The following RMND1 variants were observed in gnomAD, a reference collection of about 807,000 sequenced individuals.
RMND1 encodes the protein required for meiotic nuclear division 1 homolog, also known as required for meiotic nuclear division protein 1 homolog.
In RMND1, 41 loss-of-function variants were observed where a neutral mutation model predicts 54.0. The observed-to-expected ratio is 0.76, with a 90% confidence interval of 0.59 to 0.98. The LOEUF is 0.98. RMND1 is among the 50% of genes least tolerant of loss of function. The pLI is 0.00. For missense variants in RMND1, 457 were observed against 532.0 expected, an observed-to-expected ratio of 0.86 and a Z score of 1.39; for synonymous variants, 183 against 181.7, an observed-to-expected ratio of 1.01 and a Z score of -0.06.
At position 151,445,733 on chromosome 6, in the gene RMND1, G is replaced by A; in HGVS notation, c.79C>T (p.His27Tyr). Residue 27 changes from histidine to tyrosine, a missense_variant, in exon 2 of 12, where the codon CAT (histidine) becomes TAT (tyrosine). Coordinates refer to ENST00000444024, the MANE Select transcript of RMND1 (RefSeq NM_017909.4). The stretch of plus-strand genomic sequence containing the variant: ...TCCTTAAGTGGTTTTAACATTAGAT[G>A]ACCGATTCTTCGGCACTGATGTGCT... ...SKAHQCRRIG[H>Y]LMLKPLKEFE... The A allele has an allele frequency of 6.2e-7, 1 of 1,613,894 alleles. No homozygotes were observed.
At chr6:151,436,696 A>G (rs1325547198) in intron 2 of RMND1, 142 bp from the exon 3 acceptor site, 6 of 689,276 alleles carry the variant, frequency 8.7e-6, no homozygotes, top group Non-Finnish European at 1.4e-5. Flanking sequence ...GATACAAGGG[A>G]TGGGATGAAG....
At chr6:151,408,200 A>G (rs915801182) in intron 10 of RMND1, among the ~76,000 whole-genome samples, 6 of 152,110 alleles carry the variant, frequency 3.9e-5, no homozygotes, top group African/African-American at 1.4e-4. Flanking sequence ...AAGTGAGGTT[A>G]AGAAGGTAAG....
intron 2 of RMND1, among the ~76,000 whole-genome samples, chr6:151,444,067 G>A (rs1410108361): frequency 2.0e-5 from 3 of 152,128 alleles, no homozygotes; most frequent in African/African-American, 7.2e-5. Flanking sequence ...AAATAGATAC[G>A]GTATTTAGGA....
At chr6:151,450,639 C>T (rs370629563) in intron 1 of RMND1, among the ~76,000 whole-genome samples, 15,295 of 149,932 alleles carry the variant, frequency 0.1, 708 homozygotes, top group Middle Eastern at 0.17. Flanking sequence ...CGCCTCTGCC[C>T]GGCCGCCCCT....
intron 2 of RMND1, among the ~76,000 whole-genome samples, chr6:151,437,976 G>A (rs1029734771): frequency 7.2e-5 from 11 of 152,168 alleles, no homozygotes; most frequent in African/African-American, 2.7e-4. Flanking sequence ...GGGGAATGTG[G>A]GGATAAATGG....
At chr6:151,449,220 T>G (rs531617482) in intron 1 of RMND1, among the ~76,000 whole-genome samples, 1 of 151,868 alleles carries the variant, frequency 6.6e-6, no homozygotes, top group South Asian at 2.1e-4. Context: ...TACAAAAAAA[T>G]TAGCTGAGCG....
At position 151,450,803 on chromosome 6, in the gene RMND1, G is replaced by C. The variant is rs999608019; in HGVS notation, c.-15+1213C>G. Among the ~76,000 whole-genome samples, 55 of 152,268 alleles carry C rather than the reference G, an allele frequency of 3.6e-4. 1 individual carries two copies. Among genetic ancestry groups the C allele is most frequent in the African/African-American group, 8.9e-4 (37 of 41,566 alleles). On this transcript the variant is annotated intron_variant, in intron 1 of 11. Coordinates refer to ENST00000444024, the MANE Select transcript of RMND1 (RefSeq NM_017909.4). ...AAGATTGAGAAATCGGATGGTTGCCGTGTCTGTGTAGAAAGAAGTAGACAT... is the reference window on the plus strand; with the variant it reads ...AAGATTGAGAAATCGGATGGTTGCCCTGTCTGTGTAGAAAGAAGTAGACAT...
chr6:151,450,686 C>T (rs1194882919), intron 1 of RMND1, among the ~76,000 whole-genome samples: 3 of 151,876 alleles, frequency 2.0e-5, no homozygotes, highest in East Asian at 1.9e-4. Flanking sequence ...CGGCCACCAC[C>T]CCGTCTGGGA....
Position 151,414,721 on chromosome 6 carries a change from CAA to C in RMND1, c.1200+2556_1200+2557del, listed in dbSNP as rs545174385. Among the ~76,000 whole-genome samples the C allele has an allele frequency of 1.2e-3, 175 of 152,130 alleles. 1 individual carries two copies. Among genetic ancestry groups the C allele is most frequent in the African/African-American group, 4.0e-3 (168 of 41,510 alleles). On this transcript the variant is annotated intron_variant, in intron 10 of 11. Transcript: ENST00000444024. ...GGAATCAATCAACTAGAAGATGAAA[CAA>C]AGGACATTACCCAATCTTAACAGAG...
chr6:151,447,810 C>CTTTTTT (rs869136474), intron 1 of RMND1, among the ~76,000 whole-genome samples: 6 of 110,338 alleles, frequency 5.4e-5, no homozygotes, highest in Non-Finnish European at 8.8e-5. Flanking sequence ...TGAGTAAATT[C>CTTTTTT]TTTTTTTTTT....
intron 9 of RMND1, among the ~76,000 whole-genome samples, chr6:151,417,821 T>A (rs527866834): frequency 1.3e-5 from 2 of 152,106 alleles, no homozygotes; most frequent in Non-Finnish European, 2.9e-5. Context: ...ATTTTTTTTT[T>A]TTTTTTGAGA....
chr6:151,445,244 C>T (rs887169018), intron 2 of RMND1, 64 bp downstream of exon 2: 7 of 1,519,842 alleles, frequency 4.6e-6, no homozygotes, highest in East Asian at 2.3e-5. Context: ...TGGGGTGCAA[C>T]GCACACTGGT....
At chr6:151,439,607 C>T (rs1780711899) in intron 2 of RMND1, among the ~76,000 whole-genome samples, 1 of 152,174 alleles carries the variant, frequency 6.6e-6, no homozygotes, top group Non-Finnish European at 1.5e-5. Context: ...CATTAGAGTA[C>T]AAGGTCTGTT....
chr6:151,406,906 T>C (rs1779644367), intron 10 of RMND1, among the ~76,000 whole-genome samples: 1 of 152,052 alleles, frequency 6.6e-6, no homozygotes, highest in South Asian at 2.1e-4. Context: ...ATGCCTGTAA[T>C]CCTAGCATTT....
chr6:151,410,232 T>C (rs529775020), intron 10 of RMND1, among the ~76,000 whole-genome samples: 1 of 151,958 alleles, frequency 6.6e-6, no homozygotes, highest in Non-Finnish European at 1.5e-5. Flanking sequence ...TTTTTTTGTA[T>C]TTTTAGTAGA....
At chr6:151,448,169 C>G (rs958438079) in intron 1 of RMND1, among the ~76,000 whole-genome samples, 4 of 152,172 alleles carry the variant, frequency 2.6e-5, no homozygotes, top group African/African-American at 9.7e-5. Flanking sequence ...GTGCCTTACA[C>G]TGTTTTTCTA....
intron 10 of RMND1, among the ~76,000 whole-genome samples, chr6:151,414,521 T>C (rs569888142): frequency 1.2e-3 from 185 of 152,012 alleles, no homozygotes; most frequent in Non-Finnish European, 2.2e-3. Context: ...AGAGCAACCA[T>C]CATAAAAATG....
intron 10 of RMND1, among the ~76,000 whole-genome samples, chr6:151,414,847 C>T (rs893954328): frequency 2.0e-5 from 3 of 151,838 alleles, no homozygotes; most frequent in Non-Finnish European, 2.9e-5. Context: ...GGCAGATTTC[C>T]GTCAGAAACC....
At chr6:151,417,816 T>A (rs9322319) in intron 9 of RMND1, among the ~76,000 whole-genome samples, 47,080 of 151,230 alleles carry the variant, frequency 0.31, 7,791 homozygotes, top group East Asian at 0.71. Context: ...TTTCAATTTT[T>A]TTTTTTTTTT....
Sources: gnomAD v4.1 joint callset for allele counts (sites outside exome capture counted in the v4.1 genomes callset) on GRCh38, gnomAD v4.1.1 for gene constraint, MANE v1.5 for transcripts, NCBI Gene and HGNC (gene_info 2026-07-23, HGNC 2026-07-21) for gene names.